Variants in POLD2 observed in about 807,000 individuals in gnomAD.
The protein encoded by POLD2 is DNA polymerase delta subunit 2.
In POLD2, 31 loss-of-function variants were observed where a neutral mutation model predicts 48.8. The observed-to-expected ratio is 0.64, with a 90% CI of 0.48 to 0.86. POLD2 has a LOEUF of 0.86. Among genes scored for constraint, POLD2 ranks in the 40% least tolerant of loss-of-function variants. The pLI, the probability that POLD2 is intolerant of heterozygous loss-of-function variation, is 0.00. For missense variants in POLD2, 455 were observed against 610.1 expected, an observed-to-expected ratio of 0.75 and a Z score of 2.68; for synonymous variants, 233 against 256.3, an observed-to-expected ratio of 0.91 and a Z score of 0.87.
In POLD2 at chr7:44,116,690, CA is replaced by C. The variant is rs1318190210; in HGVS notation, c.780+126del. On this transcript the variant is annotated intron_variant, in intron 6 of 10. Coordinates refer to ENST00000610533, the MANE Select transcript of POLD2 (RefSeq NM_006230.4). The surrounding 1 kb of genome is among the most constrained non-coding windows in gnomAD (Gnocchi z 6.1). ...GCCCCATTGCAGGAGGCCCCAGAGT[CA>C]CTGCAGGGCGCTTCCCACCGACCTG... 7.3e-5 allele frequency: 79 copies of C among 1,085,378 alleles called. No individual in the cohort carries two copies. Among genetic ancestry groups the C allele is most frequent in the Non-Finnish European group, 9.7e-5 (72 of 743,628 alleles). 67.2% of individuals were successfully genotyped at this position (1,085,378 alleles called of 1,614,324 possible).
At chr7:44,117,845 T>A in intron 3 of POLD2, 98 bp downstream of exon 3, 2 of 1,595,516 alleles carry the variant, frequency 1.3e-6, no homozygotes, top group Non-Finnish European at 1.7e-6. Context: ...GAGTCCATTG[T>A]CTCTGAACCT....
intron 1 of POLD2, 157 bp downstream of exon 1, chr7:44,123,354 C>T (rs998062207): frequency 3.0e-5 from 42 of 1,396,120 alleles, no homozygotes; most frequent in Non-Finnish European, 3.7e-5. Context: ...CCGAGAGCGC[C>T]CTGGGGGCTG....
At chr7:44,117,888 T>C in intron 3 of POLD2, 55 bp downstream of exon 3, 5 of 1,604,618 alleles carry the variant, frequency 3.1e-6, no homozygotes, top group Admixed American at 3.4e-5. Flanking sequence ...AGGGAGGTGT[T>C]CTAGTGGGAG....
In POLD2 at chr7:44,116,331, T is replaced by G; in HGVS notation, c.862-59A>C. The stretch of plus-strand genomic sequence containing the variant: ...CCCCGAAGGAGCCCCCTACACCAAC[T>G]CCGGCCACTCCCCCTGCCCTCCTGC... On this transcript the variant is annotated intron_variant, in intron 7 of 10. Transcript: ENST00000610533. This position sits in a 1 kb window ranked among gnomAD's most constrained non-coding sequence, Gnocchi z 6.1. 6.3e-7 allele frequency: 1 copy of G among 1,596,956 alleles called. No homozygotes were observed. The highest frequency in any genetic ancestry group is 2.2e-5 in the East Asian group (1 of 44,650).
At chr7:44,115,144 C>T (rs2096236485) in intron 10 of POLD2, 151 bp downstream of exon 10, 3 of 750,288 alleles carry the variant, frequency 4.0e-6, no homozygotes, top group East Asian at 2.6e-5. Context: ...TTGGCTCCCA[C>T]AGTGAAATGG....
Position 44,120,317 on chromosome 7 carries a change from G to C in POLD2, c.220+1517C>G, listed in dbSNP as rs116913016. 5.8e-4 allele frequency among the ~76,000 whole-genome samples: 89 copies of C among 152,364 alleles called. 3 individuals carry two copies. The East Asian group carries it at 0.017, about 29-fold the overall frequency. ...ACTGGAAGAGAAATGTGCGACCAGAGGAGGTGCTGCCGGAAAGAATCTAGA... is the reference window on the plus strand; with the variant it reads ...ACTGGAAGAGAAATGTGCGACCAGACGAGGTGCTGCCGGAAAGAATCTAGA... On this transcript the variant is annotated intron_variant, in intron 2 of 10. Coordinates refer to ENST00000610533, the MANE Select transcript of POLD2 (RefSeq NM_006230.4).
chr7:44,122,183 C>A, intron 1 of POLD2, 74 bp from the exon 2 acceptor site: 1 of 1,454,484 alleles, frequency 6.9e-7, no homozygotes, highest in Non-Finnish European at 9.1e-7. Flanking sequence ...TGTCTCACTG[C>A]ACCCAAAGGA....
intron 3 of POLD2, 56 bp downstream of exon 3, chr7:44,117,887 T>C (rs1375294006): frequency 7.5e-6 from 12 of 1,604,132 alleles, no homozygotes; most frequent in Non-Finnish European, 1.0e-5. Context: ...CAGGGAGGTG[T>C]TCTAGTGGGA....
rs768914864 is a variant in POLD2, at chr7:44,121,858, C to A, written c.196G>T (p.Glu66Ter). 6.2e-7 allele frequency: 1 copy of A among 1,613,232 alleles called. No homozygotes were observed. Among genetic ancestry groups the A allele is most frequent in the Non-Finnish European group, 8.5e-7 (1 of 1,180,020 alleles). ...TRLIQMRPFL[E>*]NRAQQHWGSG... ...CCCCAGTGCTGCTGGGCCCGGTTCT[C>A]CAGGAAGGGTCTCATTTGGATGAGG... The change falls in exon 2 of 11, where the codon GAG (glutamate) becomes TAG (stop). Residue 66 changes from glutamate to a stop codon, truncating the protein, a stop_gained. Coordinates refer to ENST00000610533, the MANE Select transcript of POLD2 (RefSeq NM_006230.4). LOFTEE classifies it high-confidence loss of function. The surrounding 1 kb of genome is among the most constrained non-coding windows in gnomAD (Gnocchi z 4.5).
upstream of POLD2, chr7:44,123,686 GA>G: frequency 7.4e-7 from 1 of 1,355,762 alleles, no homozygotes; most frequent in Non-Finnish European, 9.4e-7. Context: ...CAGTCCCTGG[GA>G]CGCCCAGAGA....
upstream of POLD2, chr7:44,123,560 C>T (rs1029599373): frequency 3.4e-6 from 5 of 1,481,868 alleles, no homozygotes; most frequent in Non-Finnish European, 1.8e-6. Context: ...CCCCGCCCAT[C>T]GCCGCAACTC....
chr7:44,117,124 G>GGTTC lies in POLD2; in HGVS notation c.581+8_581+9insGAAC. 6.2e-7 allele frequency: 1 copy of GGTTC among 1,612,428 alleles called. No individual in the cohort carries two copies. The highest frequency in any genetic ancestry group is 8.5e-7 in the Non-Finnish European group (1 of 1,178,464). ...GAGCTGGTTCCAGCTCCCGAGAACT[G>GGTTC]CTGCTCACCTATCTGTGTCAAGTGG... On this transcript the variant is annotated intron_variant, in intron 5 of 10. Transcript: ENST00000610533.
intron 2 of POLD2, 105 bp from the exon 3 acceptor site, chr7:44,118,169 T>G: frequency 1.7e-6 from 2 of 1,174,614 alleles, no homozygotes; most frequent in Non-Finnish European, 2.2e-6. Flanking sequence ...CACAGGGCCC[T>G]GGCCTTGCCA....
chr7:44,123,491 T>A lies in POLD2; in HGVS notation c.-57+20A>T. 1 of 1,494,906 alleles carries A rather than the reference T, an allele frequency of 6.7e-7. No individual in the cohort carries two copies. The highest frequency in any genetic ancestry group is 2.4e-4 in the Middle Eastern group (1 of 4,246). 92.6% of individuals were successfully genotyped at this position (1,494,906 alleles called of 1,614,324 possible). A position where few individuals can be genotyped will look rare whatever the true frequency, so the allele number is the denominator to read the frequency against. On this transcript the variant is annotated intron_variant, in intron 1 of 10. Coordinates refer to ENST00000610533, the MANE Select transcript of POLD2 (RefSeq NM_006230.4). ...GAACTGCCACCCCCAGCTGACCCCG[T>A]TTCCCTGGACCCCACTCACCGCGCG...
intron 9 of POLD2, 153 bp from the exon 10 acceptor site, chr7:44,115,549 G>T: frequency 1.4e-6 from 1 of 719,778 alleles, no homozygotes; most frequent in Non-Finnish European, 2.4e-6. Flanking sequence ...ACAAGACCTT[G>T]GCCCTGCTGT....
rs1365282278 is a variant in POLD2, at chr7:44,121,192, G to A, written c.220+642C>T. ...TAAGTGGTAGGAATGGGGGAATGCAGCAGCACCTAAAACTCAAATAAACTC... is the reference window on the plus strand; with the variant it reads ...TAAGTGGTAGGAATGGGGGAATGCAACAGCACCTAAAACTCAAATAAACTC... On this transcript the variant is annotated intron_variant, in intron 2 of 10. Transcript: ENST00000610533. This position sits in a 1 kb window ranked among gnomAD's most constrained non-coding sequence, Gnocchi z 4.5. 6.6e-6 allele frequency among the ~76,000 whole-genome samples: 1 copy of A among 152,200 alleles called. No homozygotes were observed. The highest frequency in any genetic ancestry group is 2.4e-5 in the African/African-American group (1 of 41,454).
rs1343584213 is a variant in POLD2 at position 44,116,435 on chromosome 7, G to A, written c.856C>T (p.Leu286=). The A allele has an allele frequency of 1.9e-6, 3 of 1,577,942 alleles. No homozygotes were observed. Among genetic ancestry groups the A allele is most frequent in the Non-Finnish European group, 2.6e-6 (3 of 1,161,222 alleles). The change falls in exon 7 of 11, where the codon CTG becomes TTG. Residue 286 remains leucine (L), a synonymous_variant. Coordinates refer to ENST00000610533, the MANE Select transcript of POLD2 (RefSeq NM_006230.4). This position sits in a 1 kb window ranked among gnomAD's most constrained non-coding sequence, Gnocchi z 6.1. ...CCAGCCCCCAGCTCGCTCACGCTCA[G>A]CTGCAGGAGGATCTCATCCAGCATC... ...VKMLDEILLQ[L]SASVPVDVMP...
rs1474889353 is a variant in POLD2 at position 44,116,143 on chromosome 7, G to T, written c.991C>A (p.Pro331Thr). The T allele has an allele frequency of 6.2e-7, 1 of 1,613,634 alleles. No individual in the cohort carries two copies. Among genetic ancestry groups the T allele is most frequent in the Non-Finnish European group, 8.5e-7 (1 of 1,180,050 alleles). The part of the protein sequence containing the change: ...AYSTLQLVTN[P>T]YQATIDGVRF... The stretch of plus-strand genomic sequence containing the variant: ...ACTCCATCAATGGTGGCCTGGTAGG[G>T]GTTGGTGACCAGCTGGAGCGTGGAG... The change falls in exon 8 of 11, where the codon CCC becomes ACC. Residue 331 changes from proline to threonine, a missense_variant. Physicochemically the swap from Pro to Thr is conservative, Grantham distance 38. This residue lies in a region of POLD2 where 349 missense variants were observed against 437.4 expected (regional missense o/e 0.80). Coordinates refer to ENST00000610533, the MANE Select transcript of POLD2 (RefSeq NM_006230.4). The surrounding 1 kb of genome is among the most constrained non-coding windows in gnomAD (Gnocchi z 6.1).
rs866344973 is a variant in POLD2 at position 44,119,685 on chromosome 7, C to T, written c.221-1621G>A. 3.3e-5 allele frequency among the ~76,000 whole-genome samples: 5 copies of T among 152,216 alleles called. No homozygotes were observed. The South Asian group carries it at 1.0e-3, about 32-fold the overall frequency. On this transcript the variant is annotated intron_variant, in intron 2 of 10. Transcript: ENST00000610533. ...TGCCCCTGAGCACTGGGCAGAATGACATCCCTGTAACCGATAGTAGGACAT... is the reference window on the plus strand; with the variant it reads ...TGCCCCTGAGCACTGGGCAGAATGATATCCCTGTAACCGATAGTAGGACAT...
Sources: gnomAD v4.1 joint callset for allele counts (sites outside exome capture counted in the v4.1 genomes callset) on GRCh38, gnomAD v4.1.1 for gene constraint, gnomAD v4.1.1 regional missense constraint, Gnocchi (gnomAD v3.1) non-coding constraint, MANE v1.5 for transcripts, NCBI Gene and HGNC (gene_info 2026-07-23, HGNC 2026-07-21) for gene names.